MADD: variants seen among roughly 807,000 people sequenced by gnomAD.
MADD encodes the protein MAP kinase-activating death domain protein.
A neutral mutation model predicts 176.7 loss-of-function variants in MADD; 109 were observed. The observed-to-expected ratio is 0.62, with a 90% CI of 0.53 to 0.72. MADD has a LOEUF of 0.72. MADD is among the 30% of genes least tolerant of loss of function. MADD has a pLI of 0.00. For missense variants in MADD, 1,914 were observed against 2,045.5 expected (o/e 0.94, Z 1.24); for synonymous variants, 771 against 771.3 (o/e 1.00, Z 0.01).
intron 25 of MADD, 36 bp downstream of exon 28, chr11:47,309,648 C>A: frequency 6.6e-7 from 1 of 1,507,652 alleles, no homozygotes; most frequent in Non-Finnish European, 9.2e-7. Flanking sequence ...CTCCGCTGAT[C>A]CTAGAGGGGC....
At chr11:47,317,490 TG>T (rs2093404984) in intron 27 of MADD, among the ~76,000 whole-genome samples, 1 of 152,342 alleles carries the variant, frequency 6.6e-6, no homozygotes, top group Admixed American at 6.5e-5. Flanking sequence ...CTAGATTTTT[TG>T]CTGATTGTGT....
intron 16 of MADD, 59 bp downstream of exon 17, chr11:47,289,552 C>A: frequency 1.4e-6 from 2 of 1,432,896 alleles, no homozygotes; most frequent in Non-Finnish European, 2.0e-6. Flanking sequence ...GGTTCCTCTA[C>A]AGAACTTTAG....
chr11:47,328,243 C>T, intron 31 of MADD: 6 of 1,098,340 alleles, frequency 5.5e-6, no homozygotes, highest in Non-Finnish European at 6.7e-6. Context: ...ACGGGTGTCT[C>T]AGCAAAGTTG....
chr11:47,281,705 A>G (rs751962515), exon 8 of MADD: 8 of 1,613,254 alleles, frequency 5.0e-6, no homozygotes, highest in Non-Finnish European at 6.8e-6. Flanking sequence ...ACTGAATTCA[A>G]CCCACTCATC....
intron 1 of MADD, among the ~76,000 whole-genome samples, chr11:47,272,717 A>G (rs927936658): frequency 6.6e-6 from 1 of 152,194 alleles, no homozygotes; most frequent in Non-Finnish European, 1.5e-5. Context: ...AGCTTTTCCT[A>G]ATTTTAGGAC....
chr11:47,287,292 A>T (rs1411970859), intron 15 of MADD, among the ~76,000 whole-genome samples: 3 of 152,236 alleles, frequency 2.0e-5, no homozygotes, highest in Non-Finnish European at 4.4e-5. Context: ...ACTGCACTCC[A>T]GCCTGGGTGA....
At chr11:47,277,263 G>A (rs1454451044) in intron 5 of MADD, among the ~76,000 whole-genome samples, 2 of 53,778 alleles carry the variant, frequency 3.7e-5, no homozygotes, top group African/African-American at 1.6e-4. Context: ...ATTAGACACA[G>A]TAAGAGAGTA....
chr11:47,308,806 CTA>C, intron 23 of MADD, 107 bp downstream of exon 25: 1 of 1,069,024 alleles, frequency 9.4e-7, no homozygotes. Flanking sequence ...GATCTTAATG[CTA>C]ACATTAGATA....
chr11:47,311,070 T>C (rs2088602002), intron 25 of MADD, among the ~76,000 whole-genome samples: 2 of 152,184 alleles, frequency 1.3e-5, no homozygotes, highest in African/African-American at 2.4e-5. Context: ...GGAAGAAGTA[T>C]GTTACCAAGT....
intron 22 of MADD, among the ~76,000 whole-genome samples, chr11:47,300,778 G>A (rs1257315776): frequency 6.6e-6 from 1 of 152,064 alleles, no homozygotes; most frequent in African/African-American, 2.4e-5. Flanking sequence ...GATTATAGGC[G>A]TGAACCACCG....
chr11:47,271,133 A>C (rs1446240593), intron 1 of MADD: 1 of 152,212 alleles, frequency 6.6e-6, no homozygotes. Flanking sequence ...ATGCATTTTG[A>C]GCTGGATGCT....
At chr11:47,308,188 G>A (rs1431359333) in intron 22 of MADD, among the ~76,000 whole-genome samples, 2 of 152,148 alleles carry the variant, frequency 1.3e-5, no homozygotes, top group Non-Finnish European at 2.9e-5. Flanking sequence ...GACAGATAAG[G>A]AAAATGAGGC....
chr11:47,277,318 A>T (rs1409558130), intron 5 of MADD, among the ~76,000 whole-genome samples: 2 of 152,172 alleles, frequency 1.3e-5, no homozygotes, highest in Non-Finnish European at 2.9e-5. Flanking sequence ...TTGGAGACAG[A>T]GTCTCCCTCT....
chr11:47,309,543 G>A (rs531527681), exon 25 of MADD: 1 of 1,614,202 alleles, frequency 6.2e-7, no homozygotes, highest in Non-Finnish European at 8.5e-7. Context: ...GGAAGCGCCT[G>A]GAAGATGATG....
exon 25 of MADD, chr11:47,309,512 T>A: frequency 6.2e-7 from 1 of 1,613,366 alleles, no homozygotes; most frequent in Non-Finnish European, 8.5e-7. Flanking sequence ...CTTAGGTACC[T>A]GTCCCTTGGA....
rs1042033509 is a variant in MADD, at chr11:47,282,796, T to C, written c.1706-17T>C. 27 of 1,609,520 alleles carry C rather than the reference T, an allele frequency of 1.7e-5. No individual in the cohort carries two copies. Among genetic ancestry groups the C allele is most frequent in the Non-Finnish European group, 2.2e-5 (26 of 1,176,718 alleles). ...TTCCTTGCTGCTGACTTTCTGTTCT[T>C]TTCCCTCATGGGGTAGATATGTTTG... On this transcript the variant is annotated splice_polypyrimidine_tract_variant and intron_variant, in intron 9 of 32. Coordinates refer to ENST00000402192, the Ensembl canonical transcript of MADD.
intron 26 of MADD, among the ~76,000 whole-genome samples, chr11:47,312,667 C>T (rs1020665409): frequency 6.6e-6 from 1 of 152,178 alleles, no homozygotes; most frequent in Non-Finnish European, 1.5e-5. Context: ...AACTCCTGAC[C>T]TCAAGTGATC....
intron 3 of MADD, among the ~76,000 whole-genome samples, 190 bp from the exon 4 acceptor site, chr11:47,275,709 A>G (rs918531192): frequency 6.6e-6 from 1 of 152,258 alleles, no homozygotes; most frequent in East Asian, 1.9e-4. Flanking sequence ...AGTCTTACCC[A>G]GTATATATCT....
chr11:47,289,624 A>T (rs1197434950), intron 16 of MADD, 131 bp downstream of exon 17: 1 of 855,198 alleles, frequency 1.2e-6, no homozygotes, highest in African/African-American at 1.7e-5. Context: ...TCTTGCCAGC[A>T]CTTCTCATTC....
Sources: allele counts gnomAD v4.1 joint callset (sites outside exome capture counted in the v4.1 genomes callset), GRCh38; gene constraint gnomAD v4.1.1; transcripts MANE v1.5; gene names NCBI Gene and HGNC (gene_info 2026-07-23, HGNC 2026-07-21).